The following EMID1 variants were observed in gnomAD, a reference collection of about 807,000 sequenced individuals.
The protein encoded by EMID1 is EMI domain-containing protein 1.
Under a neutral mutation model 60.6 loss-of-function variants are expected in EMID1, and 40 were observed. That is an observed-to-expected ratio of 0.66 (90% confidence interval 0.51 to 0.86). The LOEUF is 0.86. EMID1 is among the 40% of genes least tolerant of loss of function. EMID1 has a pLI of 0.00. For synonymous variants in EMID1, 242 were observed against 231.0 expected (o/e 1.05, Z -0.43); for missense variants, 585 against 597.1 (o/e 0.98, Z 0.21).
chr22:29,219,972 A>G (rs942741982), intron 3 of EMID1, among the ~76,000 whole-genome samples: 5 of 151,994 alleles, frequency 3.3e-5, no homozygotes, highest in Non-Finnish European at 5.9e-5. Flanking sequence ...AGGGCTAAAC[A>G]TTGCAAATCC....
In EMID1 at chr22:29,232,238, C is replaced by G; in HGVS notation, c.677-18C>G. ...CTTGCCTCCTGTATACCCACAAATC[C>G]GTGTGATTCCATTGCAGGTCCACAG... is the stretch of plus-strand genomic sequence containing the variant. On this transcript the variant is annotated intron_variant, in intron 7 of 14. Transcript: ENST00000334018. The G allele has an allele frequency of 6.2e-7, 1 of 1,611,448 alleles. No individual in the cohort carries two copies.
intron 14 of EMID1, among the ~76,000 whole-genome samples, chr22:29,256,014 C>A (rs1160552759): frequency 6.6e-6 from 1 of 152,124 alleles, no homozygotes; most frequent in Non-Finnish European, 1.5e-5. Context: ...GAGAAAATCT[C>A]TCCCCATGAA....
At chr22:29,231,725 C>T in intron 7 of EMID1, 43 bp downstream of exon 7, 1 of 1,427,478 alleles carries the variant, frequency 7.0e-7, no homozygotes, top group Non-Finnish European at 9.2e-7. Context: ...CTGGCCATCC[C>T]CTCCACCAGG....
At chr22:29,206,165 C>T (rs764670254) in intron 1 of EMID1, 26 bp downstream of exon 1, 1 of 1,226,088 alleles carries the variant, frequency 8.2e-7, no homozygotes, top group East Asian at 3.2e-5. Context: ...GCCTTTGCAC[C>T]CCGCTGGCCG....
At chr22:29,236,721 A>G (rs972091134) in intron 12 of EMID1, among the ~76,000 whole-genome samples, 1 of 152,184 alleles carries the variant, frequency 6.6e-6, no homozygotes, top group Non-Finnish European at 1.5e-5. Context: ...AAAATAAAAA[A>G]TAACTAAATA....
chr22:29,233,591 T>G (rs1424999642), intron 9 of EMID1, 23 bp from the exon 10 acceptor site: 1 of 1,612,924 alleles, frequency 6.2e-7, no homozygotes, highest in Non-Finnish European at 8.5e-7. Context: ...TTCCGGCCCT[T>G]AGGACATCCT....
rs2058079946 is a variant in EMID1 at position 29,259,419 on chromosome 22, T to C, written c.*475T>C. On this transcript the variant is annotated 3_prime_UTR_variant, in exon 15 of 15. Transcript: ENST00000334018. ...AGGTCAGGCTGCCCAATCCTCTGAC[T>C]GGATCACCGGGGGCTTCTTGCCTCA... 1.2e-5 allele frequency: 2 copies of C among 172,512 alleles called. No homozygotes were observed. The highest frequency in any genetic ancestry group is 2.4e-5 in the African/African-American group (1 of 41,610). The allele number at this position is 172,512 out of a possible 1,614,324, so 10.7% of individuals were successfully genotyped here.
intron 1 of EMID1, among the ~76,000 whole-genome samples, chr22:29,214,532 G>A (rs950666844): frequency 6.6e-6 from 1 of 152,192 alleles, no homozygotes; most frequent in African/African-American, 2.4e-5. Flanking sequence ...GAGGGACCGA[G>A]GGGCAGATGG....
At chr22:29,219,715 A>G (rs1394096638) in intron 3 of EMID1, among the ~76,000 whole-genome samples, 1 of 152,122 alleles carries the variant, frequency 6.6e-6, no homozygotes, top group Non-Finnish European at 1.5e-5. Flanking sequence ...CCAGGAGTTC[A>G]AGTCTGCAGT....
chr22:29,218,001 G>A (rs79973183), intron 3 of EMID1, among the ~76,000 whole-genome samples: 9,636 of 152,282 alleles, frequency 0.063, 359 homozygotes, highest in African/African-American at 0.075. Context: ...TGCCATTCTG[G>A]AATCCAGCCC....
chr22:29,216,620 A>G, intron 3 of EMID1: 1 of 985,466 alleles, frequency 1.0e-6, no homozygotes, highest in Non-Finnish European at 1.2e-6. Flanking sequence ...GTGCTTCCAG[A>G]AGCCACGGCT....
chr22:29,255,390 GC>G (rs1740829397), intron 14 of EMID1: 16 of 1,411,700 alleles, frequency 1.1e-5, no homozygotes, highest in Non-Finnish European at 1.5e-5. Context: ...GGCAGGGGCA[GC>G]CTCTTCCAGG....
intron 12 of EMID1, among the ~76,000 whole-genome samples, chr22:29,236,866 G>A (rs1347390758): frequency 2.8e-5 from 4 of 144,482 alleles, no homozygotes; most frequent in Non-Finnish European, 4.6e-5. Context: ...GCTGGATCTC[G>A]GCTCACTACA....
Position 29,206,142 on chromosome 22 carries a change from A to G in EMID1, c.101+3A>G. 1 of 1,229,014 alleles carries G rather than the reference A, an allele frequency of 8.1e-7. No homozygotes were observed. Among genetic ancestry groups the G allele is most frequent in the South Asian group, 4.1e-5 (1 of 24,300 alleles). The allele number at this position is 1,229,014 out of a possible 1,614,324, so 76.1% of individuals were successfully genotyped here. A position where few individuals can be genotyped will look rare whatever the true frequency, so the allele number is the denominator to read the frequency against. ...GCAGCTCCGTTCTCCGGACGCAGGT[A>G]AGAGCTCCCGGCGCCTTTGCACCCC... is the stretch of plus-strand genomic sequence containing the variant. On this transcript the variant is annotated splice_donor_region_variant and intron_variant, in intron 1 of 14. Transcript: ENST00000334018.
intron 5 of EMID1, among the ~76,000 whole-genome samples, chr22:29,226,888 C>T (rs1361913142): frequency 6.6e-6 from 1 of 152,136 alleles, no homozygotes; most frequent in African/African-American, 2.4e-5. Context: ...GGCCTGTGAG[C>T]TCCCTCCCAT....
intron 13 of EMID1, among the ~76,000 whole-genome samples, chr22:29,252,064 C>T (rs1296433569): frequency 6.6e-6 from 1 of 152,220 alleles, no homozygotes; most frequent in Non-Finnish European, 1.5e-5. Flanking sequence ...CCACTTTGGC[C>T]TCCCAAAGCA....
chr22:29,246,527 T>C (rs2041337820), intron 13 of EMID1, among the ~76,000 whole-genome samples: 2 of 152,280 alleles, frequency 1.3e-5, no homozygotes, highest in South Asian at 4.1e-4. Context: ...AAGACACTTG[T>C]GTGCTGGTCT....
chr22:29,258,744 A>G (rs2041799925), intron 14 of EMID1, 73 bp from the exon 15 acceptor site: 1 of 1,571,192 alleles, frequency 6.4e-7, no homozygotes, highest in East Asian at 2.3e-5. Flanking sequence ...GCCACCCCCT[A>G]GAGGGCCAAG....
chr22:29,246,552 G>T (rs1480302483), intron 13 of EMID1, among the ~76,000 whole-genome samples: 1 of 152,172 alleles, frequency 6.6e-6, no homozygotes, highest in African/African-American at 2.4e-5. Context: ...GCAAAAGGGA[G>T]TGAGGAGTCA....
Sources: gnomAD v4.1 joint callset for allele counts (sites outside exome capture counted in the v4.1 genomes callset) on GRCh38, gnomAD v4.1.1 for gene constraint, MANE v1.5 for transcripts, NCBI Gene and HGNC (gene_info 2026-07-23, HGNC 2026-07-21) for gene names.